DOCK7: variants seen among roughly 807,000 people sequenced by gnomAD.
The protein encoded by DOCK7 is dedicator of cytokinesis protein 7.
Under a neutral mutation model 271.0 loss-of-function variants are expected in DOCK7, and 138 were observed. The observed-to-expected ratio is 0.51, with a 90% CI of 0.44 to 0.59. The LOEUF (loss-of-function observed/expected upper bound fraction) is 0.59. Among genes scored for constraint, DOCK7 ranks in the 20% least tolerant of loss-of-function variants. The pLI, the probability that DOCK7 is intolerant of heterozygous loss-of-function variation, is 0.00. For synonymous variants in DOCK7, 823 were observed against 876.1 expected (o/e 0.94, Z 1.07); for missense variants, 2,066 against 2,592.4 (o/e 0.80, Z 4.41).
chr1:62,650,723 T>G (rs968199339), intron 4 of DOCK7, among the ~76,000 whole-genome samples: 1 of 152,024 alleles, frequency 6.6e-6, no homozygotes, highest in Non-Finnish European at 1.5e-5. Flanking sequence ...ATCAGAGAAA[T>G]GCAAATCAAA....
At chr1:62,565,271 A>G (rs1011280702) in intron 18 of DOCK7, among the ~76,000 whole-genome samples, 6 of 152,168 alleles carry the variant, frequency 3.9e-5, no homozygotes, top group Non-Finnish European at 8.8e-5. Context: ...TTCAAAAGAA[A>G]AGAAAATATC....
intron 14 of DOCK7, chr1:62,601,175 A>G (rs1165419892): frequency 6.2e-7 from 1 of 1,607,300 alleles, no homozygotes; most frequent in South Asian, 1.1e-5. Flanking sequence ...GTTGAATGAA[A>G]TAAGAAATGT....
At chr1:62,667,854 C>T (rs1164731242) in intron 1 of DOCK7, among the ~76,000 whole-genome samples, 5 of 152,030 alleles carry the variant, frequency 3.3e-5, no homozygotes, top group African/African-American at 4.8e-5. Context: ...CCCGTCTCTA[C>T]GAAAAATACA....
At chr1:62,518,091 T>C (rs1427581595) in intron 31 of DOCK7, among the ~76,000 whole-genome samples, 1 of 152,202 alleles carries the variant, frequency 6.6e-6, no homozygotes, top group Non-Finnish European at 1.5e-5. Flanking sequence ...ATAGTATATA[T>C]TCATAAAAAG....
chr1:62,517,783 C>T (rs540329833), intron 31 of DOCK7, among the ~76,000 whole-genome samples: 1 of 152,260 alleles, frequency 6.6e-6, no homozygotes, highest in South Asian at 2.1e-4. Context: ...TAGAACCACA[C>T]TGGAAAACAA....
chr1:62,542,708 C>T lies in DOCK7; in HGVS notation c.2950-5G>A. 1.2e-6 allele frequency: 2 copies of T among 1,611,392 alleles called. No homozygotes were observed. The highest frequency in any genetic ancestry group is 1.7e-6 in the Non-Finnish European group (2 of 1,178,814). On this transcript the variant is annotated splice_region_variant and splice_polypyrimidine_tract_variant and intron_variant, in intron 24 of 49. Coordinates refer to ENST00000635253, the MANE Select transcript of DOCK7 (RefSeq NM_001367561.1). ...AGCCAGCTCCTCGTGAAAAAGCTAT[C>T]CAGAAGTAAATCCAAAGTTATTATC...
At chr1:62,518,708 C>T (rs1309856864) in intron 31 of DOCK7, among the ~76,000 whole-genome samples, 2 of 151,986 alleles carry the variant, frequency 1.3e-5, no homozygotes, top group Admixed American at 1.3e-4. Flanking sequence ...CCACTGCACT[C>T]CAGCCTGGGT....
rs1283168919 is a variant in DOCK7 at position 62,555,920 on chromosome 1, C to G, written c.2501G>C (p.Gly834Ala). ...GTTTCTGCCATGCTGGTCATGATTT[C>G]CTTCCAAGTTTTTGTGAAGTCGATT... ...IINRLHKNLE[G>A]NHDQHGRNSL... The change falls in exon 21 of 50, where the codon GGA becomes GCA. Residue 834 changes from glycine to alanine, a missense_variant. Gly to Ala is a moderately conservative substitution (Grantham distance 60). Transcript: ENST00000635253. The G allele has an allele frequency of 3.1e-6, 5 of 1,613,754 alleles. No homozygotes were observed. In the Admixed American group the frequency reaches 8.3e-5, roughly 27 times the overall value.
chr1:62,528,332 A>T (rs1645076216), intron 30 of DOCK7, 27 bp from the exon 31 acceptor site: 1 of 1,583,402 alleles, frequency 6.3e-7, no homozygotes, highest in Admixed American at 1.8e-5. Context: ...CAAAAAAATA[A>T]ATAAAACTGT....
At chr1:62,499,520 T>A (rs778629549) in intron 37 of DOCK7, among the ~76,000 whole-genome samples, 6 of 151,672 alleles carry the variant, frequency 4.0e-5, no homozygotes, top group Admixed American at 2.0e-4. Flanking sequence ...AAGCAAAGAG[T>A]GAGGAATCCT....
At chr1:62,631,448 GA>G in intron 10 of DOCK7, 43 bp from the exon 11 acceptor site, 1 of 1,487,966 alleles carries the variant, frequency 6.7e-7, no homozygotes, top group Non-Finnish European at 9.0e-7. Flanking sequence ...ATACTTGAAA[GA>G]AATCAGTTAA....
chr1:62,474,019 T>G lies in DOCK7; in HGVS notation c.6175A>C (p.Asn2059His). 1 of 1,614,088 alleles carries G rather than the reference T, an allele frequency of 6.2e-7. No individual in the cohort carries two copies. Among genetic ancestry groups the G allele is most frequent in the Non-Finnish European group, 8.5e-7 (1 of 1,179,974 alleles). Residue 2059 changes from asparagine (N) to histidine (H), a missense_variant, in exon 48 of 50, where the codon AAT becomes CAT. Transcript: ENST00000635253. ...TCTTTAAAGCAGAGTCGCAGTTTAT[T>G]ATGATGTCTGAAGAGCTTTGGGTCA... ...PSDPKLFRHH[N>H]KLRLCFKDFT...
chr1:62,561,238 C>A (rs1470236793), intron 19 of DOCK7, among the ~76,000 whole-genome samples: 3 of 152,168 alleles, frequency 2.0e-5, no homozygotes, highest in Non-Finnish European at 4.4e-5. Flanking sequence ...TTGGTATATT[C>A]CAAAAATAAG....
At chr1:62,688,001 C>T (rs953658644) in intron 1 of DOCK7, among the ~76,000 whole-genome samples, 1 of 151,938 alleles carries the variant, frequency 6.6e-6, no homozygotes, top group African/African-American at 2.4e-5. Flanking sequence ...CCGCTCCCTG[C>T]CGAGGCTCAG....
intron 48 of DOCK7, among the ~76,000 whole-genome samples, chr1:62,460,363 C>T (rs1360269044): frequency 2.6e-5 from 4 of 152,008 alleles, no homozygotes; most frequent in Admixed American, 6.6e-5. Flanking sequence ...CTGTGTTGAA[C>T]ATGTACAGAC....
chr1:62,630,383 T>G (rs937843968), intron 11 of DOCK7, among the ~76,000 whole-genome samples: 23 of 152,272 alleles, frequency 1.5e-4, no homozygotes, highest in African/African-American at 5.1e-4. Context: ...ACCCTATGTC[T>G]CATTCTCTGG....
At chr1:62,582,603 C>CA (rs910254260) in intron 16 of DOCK7, among the ~76,000 whole-genome samples, 57 of 135,434 alleles carry the variant, frequency 4.2e-4, no homozygotes, top group East Asian at 1.3e-3. Context: ...CTGTGGGCCC[C>CA]AAAAAAAAAA....
intron 16 of DOCK7, among the ~76,000 whole-genome samples, chr1:62,582,819 G>C (rs1034960990): frequency 6.6e-6 from 1 of 152,096 alleles, no homozygotes; most frequent in Non-Finnish European, 1.5e-5. Flanking sequence ...ATGGATACTG[G>C]TAACATCACC....
chr1:62,616,500 T>C (rs887294271), intron 14 of DOCK7, among the ~76,000 whole-genome samples: 3 of 151,852 alleles, frequency 2.0e-5, no homozygotes, highest in Non-Finnish European at 4.4e-5. Context: ...ATTTTATTTT[T>C]ATTCAAATTA....
Sources: allele counts gnomAD v4.1 joint callset (sites outside exome capture counted in the v4.1 genomes callset), GRCh38; gene constraint gnomAD v4.1.1; transcripts MANE v1.5; gene names NCBI Gene and HGNC (gene_info 2026-07-23, HGNC 2026-07-21).